Variants in PTPRN2 observed in about 807,000 individuals in gnomAD.
PTPRN2 encodes the protein receptor-type tyrosine-protein phosphatase N2.
Under a neutral mutation model 118.8 loss-of-function variants are expected in PTPRN2, and 74 were observed. The ratio of observed to expected loss-of-function variants is 0.62; its 90% CI spans 0.52 to 0.76. The LOEUF (loss-of-function observed/expected upper bound fraction) is 0.76, where lower values mean the gene tolerates loss of function less well. Among genes scored for constraint, PTPRN2 ranks in the 30% least tolerant of loss-of-function variants. The pLI is 0.00. For missense variants in PTPRN2, 1,481 were observed against 1,394.4 expected (o/e 1.06, Z -0.99); for synonymous variants, 641 against 608.0 (o/e 1.05, Z -0.80).
chr7:158,388,997 C>T (rs1305704149), intron 2 of PTPRN2, among the ~76,000 whole-genome samples: 1 of 152,220 alleles, frequency 6.6e-6, no homozygotes, highest in African/African-American at 2.4e-5. Flanking sequence ...CTCGGACTGG[C>T]GATTAGAACC....
chr7:158,432,678 A>G (rs1255143864), intron 2 of PTPRN2, among the ~76,000 whole-genome samples: 2 of 152,228 alleles, frequency 1.3e-5, no homozygotes, highest in African/African-American at 4.8e-5. Flanking sequence ...CAAAGCGTTC[A>G]CCAGTGAGAA....
At position 157,622,873 on chromosome 7, in the gene PTPRN2, T is replaced by C. The variant is rs1436435420; in HGVS notation, c.2197-1364A>G. Among the ~76,000 whole-genome samples, 1 of 152,120 alleles carries C rather than the reference T, an allele frequency of 6.6e-6. No homozygotes were observed. The highest frequency in any genetic ancestry group is 2.4e-5 in the African/African-American group (1 of 41,422). ...TTGAGAAGCCGCACCGACTGCCTGC[T>C]CCACGCAGCGAACGCTTTTCCCCCA... On this transcript the variant is annotated intron_variant, in intron 14 of 22. Coordinates refer to ENST00000389418, the MANE Select transcript of PTPRN2 (RefSeq NM_002847.5). This position sits in a 1 kb window ranked among gnomAD's most constrained non-coding sequence, Gnocchi z 5.3.
intron 13 of PTPRN2, 31 bp from the exon 14 acceptor site, chr7:157,656,582 T>C: frequency 6.7e-7 from 1 of 1,495,990 alleles, no homozygotes; most frequent in Non-Finnish European, 9.0e-7. Flanking sequence ...GAGCAGGGGG[T>C]TAGTGGCATT....
chr7:157,580,282 G>A (rs879297727), intron 17 of PTPRN2, among the ~76,000 whole-genome samples: 1 of 152,126 alleles, frequency 6.6e-6, no homozygotes, highest in Non-Finnish European at 1.5e-5. Flanking sequence ...TAATGACCCA[G>A]GATCCTTATT....
chr7:158,239,502 G>A lies in PTPRN2; in HGVS notation c.278-34229C>T, dbSNP rs149789644. Among the ~76,000 whole-genome samples the A allele has an allele frequency of 9.5e-3, 1,447 of 152,308 alleles. 9 individuals are homozygous for A. The highest frequency in any genetic ancestry group is 0.02 in the Middle Eastern group (6 of 294). ...CCCCTGGCCGTCAGAAGGTTCCAGAGGGTGTGCAGTCACTTTCCTCCCCAT... is the reference window on the plus strand; with the variant it reads ...CCCCTGGCCGTCAGAAGGTTCCAGAAGGTGTGCAGTCACTTTCCTCCCCAT... On this transcript the variant is annotated intron_variant, in intron 3 of 22. Coordinates refer to ENST00000389418, the MANE Select transcript of PTPRN2 (RefSeq NM_002847.5).
At chr7:158,266,418 T>C (rs1304570639) in intron 3 of PTPRN2, among the ~76,000 whole-genome samples, 1 of 150,244 alleles carries the variant, frequency 6.7e-6, no homozygotes, top group African/African-American at 2.5e-5. Context: ...CGGGGTATTG[T>C]CTGGCAGTGA....
intron 9 of PTPRN2, among the ~76,000 whole-genome samples, chr7:158,121,463 T>C (rs1817167519): frequency 6.6e-6 from 1 of 152,222 alleles, no homozygotes; most frequent in South Asian, 2.1e-4. Flanking sequence ...CCACGTGTCA[T>C]CTGAGTTTGT....
intron 2 of PTPRN2, among the ~76,000 whole-genome samples, chr7:158,383,548 A>G (rs1240905763): frequency 6.6e-6 from 1 of 152,256 alleles, no homozygotes. Flanking sequence ...AAGACTTTAA[A>G]TAGCCTCCGG....
At chr7:158,520,996 C>T (rs747044050) in intron 1 of PTPRN2, among the ~76,000 whole-genome samples, 20 of 152,322 alleles carry the variant, frequency 1.3e-4, no homozygotes, top group Middle Eastern at 3.4e-3. Context: ...ATTTCAGCCA[C>T]GTCCCTCTTA....
rs1796386477 is a variant in PTPRN2, at chr7:157,671,064, AATTGC to A, written c.2001+11656_2001+11660del. 6.6e-6 allele frequency among the ~76,000 whole-genome samples: 1 copy of A among 152,148 alleles called. No homozygotes were observed. The highest frequency in any genetic ancestry group is 1.5e-5 in the Non-Finnish European group (1 of 68,018). On this transcript the variant is annotated intron_variant, in intron 13 of 22. Transcript: ENST00000389418. This position sits in a 1 kb window ranked among gnomAD's most constrained non-coding sequence, Gnocchi z 4.1. The stretch of plus-strand genomic sequence containing the variant: ...GGGCGGGCAGGACTCTGGACCTGAG[AATTGC>A]ACAGGATGGTTTCCAAGAGGGTTTA...
In PTPRN2 at chr7:157,794,507, C is replaced by T. The variant is rs1312545312; in HGVS notation, c.1788+104166G>A. 1.3e-5 allele frequency among the ~76,000 whole-genome samples: 2 copies of T among 152,224 alleles called. No individual in the cohort carries two copies. The highest frequency in any genetic ancestry group is 4.8e-5 in the African/African-American group (2 of 41,456). ...TCGGATAAGTATGAAAATAGGCTCT[C>T]CCTCTCTGAGTCAAAGGAGGCAATT... On this transcript the variant is annotated intron_variant, in intron 12 of 22. Transcript: ENST00000389418. The surrounding 1 kb of genome is among the most constrained non-coding windows in gnomAD (Gnocchi z 5.2).
At chr7:158,585,161 C>G (rs1048348028) in intron 1 of PTPRN2, among the ~76,000 whole-genome samples, 3 of 152,222 alleles carry the variant, frequency 2.0e-5, no homozygotes, top group African/African-American at 4.8e-5. Context: ...AAAATAGCAG[C>G]ACCTGCCCGG....
At chr7:158,337,353 C>G (rs1805825291) in intron 2 of PTPRN2, among the ~76,000 whole-genome samples, 2 of 86,468 alleles carry the variant, frequency 2.3e-5, no homozygotes, top group Non-Finnish European at 5.3e-5. Context: ...GTGACACCTG[C>G]AGACGTCCCT....
At chr7:158,371,546 A>G (rs972178669) in intron 2 of PTPRN2, among the ~76,000 whole-genome samples, 4 of 152,148 alleles carry the variant, frequency 2.6e-5, no homozygotes, top group African/African-American at 9.6e-5. Context: ...TTCTTCACTA[A>G]TAAACATCCA....
intron 12 of PTPRN2, among the ~76,000 whole-genome samples, chr7:157,727,863 C>T (rs1440831941): frequency 6.6e-6 from 1 of 152,180 alleles, no homozygotes; most frequent in East Asian, 1.9e-4. Flanking sequence ...CCCTTGGACC[C>T]CTGAGTCTGT....
intron 13 of PTPRN2, among the ~76,000 whole-genome samples, chr7:157,679,371 T>C (rs896351500): frequency 6.6e-6 from 1 of 152,172 alleles, no homozygotes; most frequent in African/African-American, 2.4e-5. Flanking sequence ...TCTGAGCAAA[T>C]TAAACTTGGC....
At chr7:158,587,279 TCCCTCCCCCAGAACCTCTCAGAGGCGC>T (rs1479910728) in intron 1 of PTPRN2, among the ~76,000 whole-genome samples, 110 of 36,250 alleles carry the variant, frequency 3.0e-3, no homozygotes, top group Admixed American at 6.5e-3. Flanking sequence ...CATTGAGGCG[TCCCTCCCCCAGAACCTCTCAGAGGCGC>T]CCCTCCCCCA....
chr7:158,281,993 C>G (rs1056686873), intron 3 of PTPRN2, among the ~76,000 whole-genome samples: 1 of 152,172 alleles, frequency 6.6e-6, no homozygotes, highest in African/African-American at 2.4e-5. Context: ...CATTTTGGGT[C>G]GCATGGAAAT....
chr7:157,962,258 G>A (rs540446006), intron 11 of PTPRN2, among the ~76,000 whole-genome samples: 6 of 152,182 alleles, frequency 3.9e-5, no homozygotes, highest in East Asian at 3.9e-4. Flanking sequence ...TTTCCTGGTC[G>A]ATGAAAACAC....
Sources: allele counts gnomAD v4.1 joint callset (sites outside exome capture counted in the v4.1 genomes callset), GRCh38; gene constraint gnomAD v4.1.1; non-coding constraint Gnocchi (gnomAD v3.1); transcripts MANE v1.5; gene names NCBI Gene and HGNC (gene_info 2026-07-23, HGNC 2026-07-21).